DENND3: variants seen among roughly 807,000 people sequenced by gnomAD.
DENND3 encodes DENN domain-containing protein 3.
In DENND3, 88 loss-of-function variants were observed where a neutral mutation model predicts 135.1. The observed-to-expected ratio is 0.65, with a 90% CI of 0.55 to 0.78. DENND3 has a LOEUF of 0.78. Ranked by LOEUF, DENND3 falls within the 30% of genes least tolerant of loss-of-function variation. The probability of loss-of-function intolerance (pLI) is 0.00; values close to 1 mark genes in which losing one functional copy is unlikely to be tolerated. For synonymous variants in DENND3, 693 were observed against 712.3 expected (o/e 0.97, Z 0.43); for missense variants, 1,392 against 1,688.4 (o/e 0.82, Z 3.08).
chr8:141,157,649 G>A (rs767308641), intron 8 of DENND3: 7 of 985,908 alleles, frequency 7.1e-6, no homozygotes, highest in Non-Finnish European at 7.2e-6. Context: ...GGAGGAGGGC[G>A]GTTTCTGGCC....
chr8:141,138,134 G>C lies in DENND3; in HGVS notation c.498G>C (p.Leu166=). The change falls in exon 3 of 23, where the codon CTG becomes CTC. Residue 166 remains leucine (L), a synonymous_variant. Coordinates refer to ENST00000519811, the MANE Select transcript of DENND3 (RefSeq NM_001352890.3). The surrounding 1 kb of genome is among the most constrained non-coding windows in gnomAD (Gnocchi z 4.8). ...YGVVAQYYRP[L]HDEYCFYNGK... is the part of the protein sequence containing the mutation. ...TGGTGGCCCAGTACTACCGGCCCCT[G>C]CATGTAGGTGGTTCCCGTTACTCCC... 1 of 1,601,000 alleles carries C rather than the reference G, an allele frequency of 6.2e-7. No homozygotes were observed. The highest frequency in any genetic ancestry group is 8.5e-7 in the Non-Finnish European group (1 of 1,172,860).
rs547327247 is a variant in DENND3 at position 141,153,277 on chromosome 8, A to T, written c.1074+1440A>T. Among the ~76,000 whole-genome samples the T allele has an allele frequency of 5.9e-4, 89 of 151,828 alleles. 1 individual carries two copies. The South Asian group carries it at 7.9e-3, about 14-fold the overall frequency. On this transcript the variant is annotated intron_variant, in intron 7 of 22. Transcript: ENST00000519811. ...CCTGGCTAATTTTTGTATTTTTAGT[A>T]GTGATGGGGTTTCACCATGTTGCCC...
intron 1 of DENND3, 32 bp from the exon 2 acceptor site, chr8:141,136,477 G>A (rs1816798776): frequency 2.6e-6 from 4 of 1,517,922 alleles, no homozygotes; most frequent in Non-Finnish European, 3.5e-6. Context: ...AGCTGAGGCT[G>A]TGGCAGTAAC....
chr8:141,152,353 G>A (rs191779936), intron 7 of DENND3, among the ~76,000 whole-genome samples: 8 of 152,270 alleles, frequency 5.3e-5, no homozygotes, highest in East Asian at 1.9e-4. Flanking sequence ...ATCATCCGCC[G>A]TCCAATTTTA....
chr8:141,180,609 AG>A (rs1822969953), intron 16 of DENND3, 137 bp from the exon 17 acceptor site: 12 of 783,528 alleles, frequency 1.5e-5, no homozygotes, highest in Non-Finnish European at 2.4e-5. Context: ...CCCGGGTCCA[AG>A]AGACCTTCGT....
chr8:141,167,948 C>A lies in DENND3; in HGVS notation c.1754-56C>A, dbSNP rs1042630694. ...TTGACAAGATGATGTGACAGGGACA[C>A]GTGTTCATTTGGAAGGTCTGTGCTA... is the stretch of plus-strand genomic sequence containing the variant. On this transcript the variant is annotated intron_variant, in intron 12 of 22. Coordinates refer to ENST00000519811, the MANE Select transcript of DENND3 (RefSeq NM_001352890.3). The surrounding 1 kb of genome is among the most constrained non-coding windows in gnomAD (Gnocchi z 4.1). The A allele has an allele frequency of 6.5e-7, 1 of 1,546,876 alleles. No homozygotes were observed. The highest frequency in any genetic ancestry group is 2.3e-5 in the East Asian group (1 of 44,206).
rs1180317314 is a variant in DENND3 at position 141,136,623 on chromosome 8, T to C, written c.217T>C (p.Cys73Arg). Residue 73 changes from cysteine (C) to arginine (R), a missense_variant, in exon 2 of 23, where the codon TGC becomes CGC. Cys to Arg is a radical substitution (Grantham distance 180). Transcript: ENST00000519811. ...GGACAGTCAAATGGCCGGTGCCAAC[T>C]GCGGCACTCTCGGTAAAACCCGGAT... ...KEDSQMAGAN[C>R]GTLGKTRMRS... The C allele has an allele frequency of 6.2e-7, 1 of 1,608,586 alleles. No homozygotes were observed. The highest frequency in any genetic ancestry group is 1.7e-5 in the Admixed American group (1 of 59,224).
chr8:141,158,314 T>G lies in DENND3; in HGVS notation c.1197-2318T>G, dbSNP rs1332197470. The stretch of plus-strand genomic sequence containing the variant: ...TAAGCCACAGCTGCTTCCTTGACTT[T>G]TAGAGCGTGACATTCTGTAATAGAA... On this transcript the variant is annotated intron_variant, in intron 8 of 22. Transcript: ENST00000519811. 6 of 1,275,096 alleles carry G rather than the reference T, an allele frequency of 4.7e-6. No homozygotes were observed. The African/African-American group carries it at 9.2e-5, about 19-fold the overall frequency. The allele number at this position is 1,275,096 out of a possible 1,614,324, so 79.0% of individuals were successfully genotyped here.
rs534858014 is a variant in DENND3 at position 141,129,091 on chromosome 8, C to T, written c.102+282C>T. On this transcript the variant is annotated intron_variant, in intron 1 of 22. Coordinates refer to ENST00000519811, the MANE Select transcript of DENND3 (RefSeq NM_001352890.3). ...TTTGAGAGCTGCGAACTTGGTCCGC[C>T]GGCCGGGAATCTGGGGGTGCCGCCC... 4.6e-5 allele frequency among the ~76,000 whole-genome samples: 7 copies of T among 152,322 alleles called. 1 individual carries two copies. The South Asian group carries it at 1.0e-3, about 23-fold the overall frequency.
chr8:141,181,748 G>A (rs937894773), intron 17 of DENND3, among the ~76,000 whole-genome samples: 2 of 152,138 alleles, frequency 1.3e-5, no homozygotes, highest in South Asian at 2.1e-4. Flanking sequence ...TACAGTTCTC[G>A]GCAGAAAAGA....
chr8:141,148,165 G>T (rs1818381634), intron 5 of DENND3, among the ~76,000 whole-genome samples: 1 of 152,166 alleles, frequency 6.6e-6, no homozygotes, highest in African/African-American at 2.4e-5. Flanking sequence ...TAGTGAGATG[G>T]GTCTTGTGTT....
In DENND3 at chr8:141,155,916, A is replaced by T. The variant is rs751217904; in HGVS notation, c.1142A>T (p.Asp381Val). The change falls in exon 8 of 23, where the codon GAT (aspartate) becomes GTT (valine). Residue 381 changes from aspartate to valine, a missense_variant. Transcript: ENST00000519811. ...GSITYSKSTD[D>V]NVDIPDVPLL... ...ATCACCTACTCCAAGTCCACGGACG[A>T]TAACGTGGACATTCCTGATGTCCCC... 1 of 1,613,050 alleles carries T rather than the reference A, an allele frequency of 6.2e-7. No individual in the cohort carries two copies. Among genetic ancestry groups the T allele is most frequent in the South Asian group, 1.1e-5 (1 of 90,882 alleles).
intron 4 of DENND3, among the ~76,000 whole-genome samples, chr8:141,143,430 A>G (rs1817703385): frequency 6.6e-6 from 1 of 152,180 alleles, no homozygotes; most frequent in Non-Finnish European, 1.5e-5. Context: ...TTTGAGAGAC[A>G]AGGTCTCACT....
In DENND3 at chr8:141,166,051, T is replaced by C. The variant is rs1255297603; in HGVS notation, c.1554-139T>C. ...TGCACTTGGTGAGATTTGGGCAACA[T>C]GTTCTTACCAGTCTGTTTTCCACTG... On this transcript the variant is annotated intron_variant, in intron 11 of 22. Coordinates refer to ENST00000519811, the MANE Select transcript of DENND3 (RefSeq NM_001352890.3). This position sits in a 1 kb window ranked among gnomAD's most constrained non-coding sequence, Gnocchi z 4.3. 1.1e-6 allele frequency: 1 copy of C among 884,096 alleles called. No individual in the cohort carries two copies. The allele number at this position is 884,096 out of a possible 1,614,324, so 54.8% of individuals were successfully genotyped here.
chr8:141,148,901 A>G (rs556875090), intron 5 of DENND3, among the ~76,000 whole-genome samples: 129 of 151,586 alleles, frequency 8.5e-4, no homozygotes, highest in African/African-American at 3.0e-3. Flanking sequence ...CTTTATTCAC[A>G]TAAATGAATC....
chr8:141,188,772 G>T (rs567527487), intron 18 of DENND3: 1 of 560,398 alleles, frequency 1.8e-6, no homozygotes, highest in Non-Finnish European at 3.0e-6. Flanking sequence ...AGTCAATAAG[G>T]TGTCTGTGAA....
rs768500240 is a variant in DENND3 at position 141,175,261 on chromosome 8, G to A, written c.2337G>A (p.Thr779=). Residue 779 remains threonine (T), a synonymous_variant, in exon 14 of 23, where the codon ACG becomes ACA. Coordinates refer to ENST00000519811, the MANE Select transcript of DENND3 (RefSeq NM_001352890.3). The surrounding 1 kb of genome is among the most constrained non-coding windows in gnomAD (Gnocchi z 5.4). ...FKDFYNCWKE[T]EAEAQEVSLP... ...ATTTCTACAACTGCTGGAAGGAGAC[G>A]GAAGCAGAAGCCCAGGAGGTCAGTC... 49 of 1,614,078 alleles carry A rather than the reference G, an allele frequency of 3.0e-5. 1 individual carries two copies. The highest frequency in any genetic ancestry group is 1.3e-4 in the Admixed American group (8 of 60,002).
rs979548580 is a variant in DENND3, at chr8:141,154,199, C to T, written c.1075-1650C>T. The stretch of plus-strand genomic sequence containing the variant: ...AAAGGGCGGGGCCCAGAATGAGAGC[C>T]GGGGAGTCGGGGCCTTCCCCAGGAA... On this transcript the variant is annotated intron_variant, in intron 7 of 22. Transcript: ENST00000519811. The surrounding 1 kb of genome is among the most constrained non-coding windows in gnomAD (Gnocchi z 4.4). Among the ~76,000 whole-genome samples, 2 of 152,218 alleles carry T rather than the reference C, an allele frequency of 1.3e-5. No individual in the cohort carries two copies. The highest frequency in any genetic ancestry group is 1.9e-4 in the East Asian group (1 of 5,202).
intron 8 of DENND3, chr8:141,157,417 G>A: frequency 1.0e-5 from 10 of 985,482 alleles, no homozygotes; most frequent in Non-Finnish European, 1.2e-5. Context: ...ATAGCAGGAG[G>A]AGAGATCCTG....
Sources: allele counts gnomAD v4.1 joint callset (sites outside exome capture counted in the v4.1 genomes callset), GRCh38; gene constraint gnomAD v4.1.1; non-coding constraint Gnocchi (gnomAD v3.1); transcripts MANE v1.5; gene names NCBI Gene and HGNC (gene_info 2026-07-23, HGNC 2026-07-21).